CCDC158: variants seen among roughly 807,000 people sequenced by gnomAD.
CCDC158 encodes the protein coiled-coil domain-containing protein 158.
Under a neutral mutation model 138.6 loss-of-function variants are expected in CCDC158, and 116 were observed. The ratio of observed to expected loss-of-function variants is 0.84; its 90% CI spans 0.72 to 0.98. The LOEUF (loss-of-function observed/expected upper bound fraction) is 0.98, where lower values mean the gene tolerates loss of function less well. Ranked by LOEUF, CCDC158 falls within the 50% of genes least tolerant of loss-of-function variation. The pLI is 0.00. For synonymous variants in CCDC158, 436 were observed against 442.4 expected, an observed-to-expected ratio of 0.99 and a Z score of 0.18; for missense variants, 1,265 against 1,306.1, an observed-to-expected ratio of 0.97 and a Z score of 0.48.
rs759375160 is a variant in CCDC158, at chr4:76,331,416, G to A, written c.2883-13C>T. On this transcript the variant is annotated splice_polypyrimidine_tract_variant and intron_variant, in intron 20 of 24. Transcript: ENST00000682701. ...CGAGTTGTTGCTTCTGTTGGTAGAGGGATGGGAGAAATCACAGTTTAAATA... is the reference window on the plus strand; with the variant it reads ...CGAGTTGTTGCTTCTGTTGGTAGAGAGATGGGAGAAATCACAGTTTAAATA... 6.2e-7 allele frequency: 1 copy of A among 1,611,004 alleles called. No homozygotes were observed. The highest frequency in any genetic ancestry group is 1.1e-5 in the South Asian group (1 of 90,920).
intron 3 of CCDC158, among the ~76,000 whole-genome samples, chr4:76,398,690 C>T (rs542283683): frequency 9.5e-5 from 13 of 136,404 alleles, no homozygotes; most frequent in Admixed American, 8.9e-4. Flanking sequence ...AAAAAGTATA[C>T]ATAACTTATG....
intron 20 of CCDC158, 110 bp downstream of exon 20, chr4:76,332,322 G>T (rs1221095268): frequency 7.6e-6 from 6 of 791,638 alleles, no homozygotes; most frequent in Non-Finnish European, 1.3e-5. Flanking sequence ...AACCCAATAT[G>T]CCCATTAAGT....
chr4:76,412,499 G>A (rs1354194470), intron 1 of CCDC158, among the ~76,000 whole-genome samples: 1 of 152,156 alleles, frequency 6.6e-6, no homozygotes, highest in Admixed American at 6.5e-5. Context: ...GGTGGCTCAT[G>A]ACTGTTATCC....
At chr4:76,404,268 T>C (rs1728640836) in intron 2 of CCDC158, among the ~76,000 whole-genome samples, 1 of 152,002 alleles carries the variant, frequency 6.6e-6, no homozygotes, top group African/African-American at 2.4e-5. Context: ...AGTCTCAAAG[T>C]AGGACCCTTG....
At chr4:76,345,105 T>C in intron 18 of CCDC158, 1 of 1,205,946 alleles carries the variant, frequency 8.3e-7, no homozygotes, top group East Asian at 2.3e-5. Flanking sequence ...TGCCGATGTC[T>C]ATATCCACAC....
rs1359814410 is a variant in CCDC158, at chr4:76,383,649, G to C, written c.803+13C>G. The C allele has an allele frequency of 2.5e-6, 4 of 1,600,596 alleles. No individual in the cohort carries two copies. The highest frequency in any genetic ancestry group is 3.4e-6 in the Non-Finnish European group (4 of 1,167,946). On this transcript the variant is annotated intron_variant, in intron 7 of 24. Coordinates refer to ENST00000682701, the MANE Select transcript of CCDC158 (RefSeq NM_001394954.1). ...TTTCGCTAGGCTTTTCCATACCTCA[G>C]TCAGAAACCTACCTATCTTGGTGTT...
At chr4:76,386,270 G>A (rs538748722) in intron 4 of CCDC158, among the ~76,000 whole-genome samples, 3 of 116,618 alleles carry the variant, frequency 2.6e-5, no homozygotes, top group Non-Finnish European at 3.7e-5. Context: ...ATAAGAACAC[G>A]AAAGTCAAGT....
chr4:76,321,212 A>T (rs1229989292), intron 24 of CCDC158, among the ~76,000 whole-genome samples: 2 of 152,316 alleles, frequency 1.3e-5, no homozygotes, highest in Non-Finnish European at 2.9e-5. Flanking sequence ...CAACAGTATG[A>T]TACTACCTAC....
intron 2 of CCDC158, among the ~76,000 whole-genome samples, chr4:76,410,855 G>A (rs1203146285): frequency 6.6e-6 from 1 of 152,148 alleles, no homozygotes; most frequent in Non-Finnish European, 1.5e-5. Context: ...CAAGTCTCTG[G>A]ATGTTGTAAT....
At chr4:76,343,778 G>A (rs1361038834) in intron 18 of CCDC158, among the ~76,000 whole-genome samples, 3 of 152,146 alleles carry the variant, frequency 2.0e-5, no homozygotes, top group Non-Finnish European at 4.4e-5. Flanking sequence ...TCCAGCCTGG[G>A]TGACAGAGTG....
At chr4:76,342,549 AG>A (rs1216432228) in intron 18 of CCDC158, among the ~76,000 whole-genome samples, 1 of 152,236 alleles carries the variant, frequency 6.6e-6, no homozygotes, top group Non-Finnish European at 1.5e-5. Flanking sequence ...TAAAATAAAG[AG>A]ACTAAAATAA....
rs1320318675 is a variant in CCDC158 at position 76,332,543 on chromosome 4, A to C, written c.2823-52T>G. ...AATCATATAAAGCACAATTTCATCCATGTCTTTTTTAGACTAATCAATTGC... is the reference window on the plus strand; with the variant it reads ...AATCATATAAAGCACAATTTCATCCCTGTCTTTTTTAGACTAATCAATTGC... On this transcript the variant is annotated intron_variant, in intron 19 of 24. Coordinates refer to ENST00000682701, the MANE Select transcript of CCDC158 (RefSeq NM_001394954.1). The C allele has an allele frequency of 3.6e-6, 5 of 1,379,342 alleles. No individual in the cohort carries two copies. The African/African-American group carries it at 5.9e-5, about 16-fold the overall frequency. The allele number at this position is 1,379,342 out of a possible 1,614,324, so 85.4% of individuals were successfully genotyped here.
intron 18 of CCDC158, among the ~76,000 whole-genome samples, chr4:76,343,890 A>C (rs1029065328): frequency 6.6e-6 from 1 of 152,204 alleles, no homozygotes; most frequent in African/African-American, 2.4e-5. Context: ...AGACTTTAGA[A>C]AACAACAAAA....
intron 24 of CCDC158, among the ~76,000 whole-genome samples, chr4:76,318,415 A>C (rs1028137860): frequency 6.6e-6 from 1 of 152,146 alleles, no homozygotes; most frequent in Non-Finnish European, 1.5e-5. Context: ...AATCTAGAGG[A>C]GATGGAAAAT....
chr4:76,408,550 C>T (rs920744149), intron 2 of CCDC158, among the ~76,000 whole-genome samples: 10 of 152,202 alleles, frequency 6.6e-5, no homozygotes, highest in Middle Eastern at 3.4e-3. Context: ...TATTCCATGG[C>T]GTATATGTGC....
At chr4:76,405,493 GA>G (rs1728744306) in intron 2 of CCDC158, among the ~76,000 whole-genome samples, 1 of 151,838 alleles carries the variant, frequency 6.6e-6, no homozygotes, top group South Asian at 2.1e-4. Context: ...AGTAAATTTG[GA>G]AAAAAAGGAT....
chr4:76,321,293 A>T (rs1719971481), intron 24 of CCDC158, among the ~76,000 whole-genome samples: 1 of 152,182 alleles, frequency 6.6e-6, no homozygotes, highest in African/African-American at 2.4e-5. Flanking sequence ...GTTGGTGTGG[A>T]TGTGGTAAAA....
intron 1 of CCDC158, among the ~76,000 whole-genome samples, chr4:76,420,610 A>G (rs1352073259): frequency 6.6e-6 from 1 of 152,122 alleles, no homozygotes; most frequent in Non-Finnish European, 1.5e-5. Flanking sequence ...CTCTACCACC[A>G]AGTCTTCCCC....
intron 23 of CCDC158, among the ~76,000 whole-genome samples, chr4:76,324,122 A>G (rs975881251): frequency 2.0e-5 from 3 of 152,046 alleles, no homozygotes; most frequent in African/African-American, 7.2e-5. Context: ...TACCCTTTTC[A>G]TTACAGCATT....
Sources: gnomAD v4.1 joint callset for allele counts (sites outside exome capture counted in the v4.1 genomes callset) on GRCh38, gnomAD v4.1.1 for gene constraint, MANE v1.5 for transcripts, NCBI Gene and HGNC (gene_info 2026-07-23, HGNC 2026-07-21) for gene names.